The following AKAP19 variants were observed in gnomAD, a reference collection of about 807,000 sequenced individuals.
The protein encoded by AKAP19 is small A-kinase anchoring protein.
chr2:189,925,567 C>T, the AKAP19 span, among the ~76,000 whole-genome samples: 1 of 152,104 alleles, frequency 6.6e-6, no homozygotes, highest in East Asian at 1.9e-4. Flanking sequence ...AGACATCCAA[C>T]TGGACATGTC....
chr2:190,006,161 T>A, the AKAP19 span, among the ~76,000 whole-genome samples: 1 of 152,214 alleles, frequency 6.6e-6, no homozygotes, highest in Non-Finnish European at 1.5e-5. Context: ...AATTGATCTG[T>A]GAAAAGTTTA....
the AKAP19 span, among the ~76,000 whole-genome samples, chr2:190,123,287 C>G: frequency 6.6e-6 from 1 of 151,968 alleles, no homozygotes; most frequent in Non-Finnish European, 1.5e-5. Context: ...TCAAATCATC[C>G]TTGTTCTTAG....
chr2:190,079,890 T>TGTGTGTGTGTGAGAGA, the AKAP19 span: 4 of 109,434 alleles, frequency 3.7e-5, no homozygotes, highest in African/African-American at 1.3e-4. Context: ...TGTGTGTGTG[T>TGTGTGTGTGTGAGAGA]GAGAGAGAGA....
chr2:189,890,497 C>CGA, the AKAP19 span, among the ~76,000 whole-genome samples: 1 of 152,110 alleles, frequency 6.6e-6, no homozygotes, highest in African/African-American at 2.4e-5. Context: ...TCTTGTTGAT[C>CGA]TATCTAATAT....
the AKAP19 span, among the ~76,000 whole-genome samples, chr2:190,117,603 A>G: frequency 6.6e-6 from 1 of 152,372 alleles, no homozygotes; most frequent in South Asian, 2.1e-4. Context: ...TGGTCTTCCA[A>G]TGCCCATCAC....
the AKAP19 span, among the ~76,000 whole-genome samples, chr2:189,953,863 T>C: frequency 1.3e-5 from 2 of 152,222 alleles, no homozygotes; most frequent in African/African-American, 4.8e-5. Flanking sequence ...GTCCACCTCT[T>C]AACCACTAAG....
At chr2:190,030,397 C>T in the AKAP19 span, among the ~76,000 whole-genome samples, 1 of 152,280 alleles carries the variant, frequency 6.6e-6, no homozygotes, top group African/African-American at 2.4e-5. Flanking sequence ...CTGTTACTGC[C>T]AGCTTTCTGA....
the AKAP19 span, among the ~76,000 whole-genome samples, chr2:190,018,352 G>A: frequency 3.3e-4 from 49 of 150,744 alleles, no homozygotes; most frequent in East Asian, 8.5e-3. Context: ...TTTCGTTTTG[G>A]TCTTCTGCAT....
chr2:189,983,691 C>T, the AKAP19 span, among the ~76,000 whole-genome samples: 5 of 152,196 alleles, frequency 3.3e-5, no homozygotes, highest in Non-Finnish European at 7.3e-5. Context: ...GGTTAGATCT[C>T]ACAGGGTTCT....
the AKAP19 span, among the ~76,000 whole-genome samples, chr2:190,070,613 C>T: frequency 7.6e-6 from 1 of 130,770 alleles, no homozygotes; most frequent in Admixed American, 7.3e-5. Context: ...TTCCCTCTCT[C>T]TCCCCCCCCC....
the AKAP19 span, among the ~76,000 whole-genome samples, chr2:190,167,439 C>T: frequency 1.3e-5 from 2 of 152,290 alleles, no homozygotes; most frequent in East Asian, 1.9e-4. Flanking sequence ...CTCATGTTCT[C>T]ATATTTCAAA....
At chr2:189,952,905 G>A in the AKAP19 span, among the ~76,000 whole-genome samples, 1 of 152,104 alleles carries the variant, frequency 6.6e-6, no homozygotes, top group African/African-American at 2.4e-5. Flanking sequence ...ACTCATTTAG[G>A]ACTTGAAAAT....
the AKAP19 span, among the ~76,000 whole-genome samples, chr2:190,158,862 T>G: frequency 6.6e-6 from 1 of 152,168 alleles, no homozygotes; most frequent in Non-Finnish European, 1.5e-5. Context: ...GGCAGGAGAA[T>G]TTCTGTTGCT....
At chr2:189,995,223 T>C in the AKAP19 span, among the ~76,000 whole-genome samples, 6 of 152,236 alleles carry the variant, frequency 3.9e-5, no homozygotes, top group East Asian at 1.2e-3. Flanking sequence ...CAGTGGAGTA[T>C]TGAAATCCCC....
the AKAP19 span, among the ~76,000 whole-genome samples, chr2:190,021,440 C>G: frequency 1.3e-5 from 2 of 152,106 alleles, no homozygotes; most frequent in Non-Finnish European, 2.9e-5. Context: ...TAGAGTTATG[C>G]TTAGCTTATT....
chr2:190,070,961 C>A, the AKAP19 span, among the ~76,000 whole-genome samples: 1 of 152,004 alleles, frequency 6.6e-6, no homozygotes, highest in Non-Finnish European at 1.5e-5. Context: ...TCATGCACTG[C>A]GTAACAATCT....
At chr2:190,174,734 T>C in the AKAP19 span, among the ~76,000 whole-genome samples, 1 of 152,196 alleles carries the variant, frequency 6.6e-6, no homozygotes, top group Non-Finnish European at 1.5e-5. Flanking sequence ...TTGCAGTATT[T>C]ATATGACTTT....
At chr2:189,938,989 AAGTG>A in the AKAP19 span, among the ~76,000 whole-genome samples, 1 of 152,176 alleles carries the variant, frequency 6.6e-6, no homozygotes, top group Non-Finnish European at 1.5e-5. Flanking sequence ...ACACTGGAAA[AAGTG>A]AGGTTGAGAT....
chr2:190,178,258 C>T, the AKAP19 span, among the ~76,000 whole-genome samples: 3 of 152,204 alleles, frequency 2.0e-5, no homozygotes, highest in Non-Finnish European at 2.9e-5. The surrounding 1 kb of genome is among the most constrained non-coding windows in gnomAD (Gnocchi z 6.3). Context: ...CAAGTTCCCT[C>T]GACGCATCTT....
Sources: allele counts gnomAD v4.1 joint callset (sites outside exome capture counted in the v4.1 genomes callset), GRCh38; gene constraint gnomAD v4.1.1; non-coding constraint Gnocchi (gnomAD v3.1); transcripts MANE v1.5; gene names NCBI Gene and HGNC (gene_info 2026-07-23, HGNC 2026-07-21).